SYNDIG1: variants seen among roughly 807,000 people sequenced by gnomAD.
The protein encoded by SYNDIG1 is synapse differentiation-inducing gene protein 1.
A neutral mutation model predicts 19.4 loss-of-function variants in SYNDIG1; 9 were observed. The observed-to-expected ratio is 0.46, with a 90% CI of 0.28 to 0.81. The LOEUF (loss-of-function observed/expected upper bound fraction) is 0.81. SYNDIG1 is among the 30% of genes least tolerant of loss of function. The pLI, the probability that SYNDIG1 is intolerant of heterozygous loss-of-function variation, is 0.12. For synonymous variants in SYNDIG1, 141 were observed against 145.9 expected (o/e 0.97, Z 0.24); for missense variants, 311 against 343.3 (o/e 0.91, Z 0.74).
At chr20:24,601,028 G>A (rs1353743030) in intron 3 of SYNDIG1, among the ~76,000 whole-genome samples, 2 of 152,068 alleles carry the variant, frequency 1.3e-5, no homozygotes, top group African/African-American at 4.8e-5. Context: ...AGGCTCTTTA[G>A]GTAACTCATT....
intron 2 of SYNDIG1, among the ~76,000 whole-genome samples, chr20:24,546,026 T>C (rs1312996571): frequency 1.3e-5 from 2 of 152,210 alleles, no homozygotes; most frequent in Non-Finnish European, 2.9e-5. Context: ...CCACAGGCTC[T>C]GAGCAGAAGG....
intron 3 of SYNDIG1, among the ~76,000 whole-genome samples, chr20:24,611,239 C>G (rs747462689): frequency 1.3e-5 from 2 of 152,148 alleles, no homozygotes; most frequent in Non-Finnish European, 2.9e-5. Flanking sequence ...TTTGCTGTCC[C>G]TTTGCTCTAC....
chr20:24,508,259 C>T (rs1388080122), intron 1 of SYNDIG1, among the ~76,000 whole-genome samples: 18 of 105,088 alleles, frequency 1.7e-4, no homozygotes, highest in African/African-American at 6.7e-4. Context: ...GACAGAGTCT[C>T]ACTCTGTAGC....
At chr20:24,484,814 G>T (rs970268554) in intron 1 of SYNDIG1, among the ~76,000 whole-genome samples, 4 of 152,136 alleles carry the variant, frequency 2.6e-5, no homozygotes, top group Non-Finnish European at 5.9e-5. Flanking sequence ...GCTATGGCTT[G>T]AGTATGAATT....
At chr20:24,570,418 C>T (rs186001790) in intron 2 of SYNDIG1, among the ~76,000 whole-genome samples, 32 of 152,150 alleles carry the variant, frequency 2.1e-4, no homozygotes, top group Admixed American at 2.0e-4. Context: ...CAATTTGTAT[C>T]CAGAATACAG....
At chr20:24,531,000 G>C (rs547270996) in intron 1 of SYNDIG1, among the ~76,000 whole-genome samples, 152 of 152,144 alleles carry the variant, frequency 1.0e-3, no homozygotes, top group Non-Finnish European at 1.4e-3. Flanking sequence ...AGTAGAGACA[G>C]GGTTTCACCA....
intron 2 of SYNDIG1, among the ~76,000 whole-genome samples, chr20:24,567,928 G>T (rs965618827): frequency 6.6e-6 from 1 of 152,218 alleles, no homozygotes; most frequent in African/African-American, 2.4e-5. Flanking sequence ...GAGGTTAGGG[G>T]TTTGAGACCA....
chr20:24,579,135 C>T (rs1412357393), intron 2 of SYNDIG1, among the ~76,000 whole-genome samples: 1 of 152,154 alleles, frequency 6.6e-6, no homozygotes, highest in African/African-American at 2.4e-5. Flanking sequence ...TGTTCCAGTC[C>T]AGGGAGAGTG....
At chr20:24,638,982 T>C (rs1302775154) in intron 3 of SYNDIG1, among the ~76,000 whole-genome samples, 3 of 152,050 alleles carry the variant, frequency 2.0e-5, no homozygotes, top group Non-Finnish European at 2.9e-5. Flanking sequence ...CTGCTGGGCC[T>C]CCCTGCCAGC....
chr20:24,634,411 C>G (rs1426749247), intron 3 of SYNDIG1, among the ~76,000 whole-genome samples: 1 of 152,192 alleles, frequency 6.6e-6, no homozygotes, highest in Admixed American at 6.5e-5. Flanking sequence ...AAGTGAAATT[C>G]CACCAAGTCA....
chr20:24,553,790 G>A (rs549145669), intron 2 of SYNDIG1, among the ~76,000 whole-genome samples: 22 of 152,236 alleles, frequency 1.4e-4, no homozygotes, highest in African/African-American at 4.1e-4. Flanking sequence ...TTGGCAATGC[G>A]GGCTCTTTTT....
At chr20:24,620,981 C>T (rs1474782872) in intron 3 of SYNDIG1, among the ~76,000 whole-genome samples, 1 of 152,094 alleles carries the variant, frequency 6.6e-6, no homozygotes, top group Non-Finnish European at 1.5e-5. Context: ...CGTTGGCATA[C>T]AAAGCAATGA....
chr20:24,559,403 T>C (rs1404183664), intron 2 of SYNDIG1, among the ~76,000 whole-genome samples: 2 of 152,148 alleles, frequency 1.3e-5, no homozygotes, highest in Non-Finnish European at 2.9e-5. Flanking sequence ...ACTATGCAAT[T>C]TATGCATGTC....
At chr20:24,558,124 G>A (rs2057863503) in intron 2 of SYNDIG1, among the ~76,000 whole-genome samples, 1 of 152,190 alleles carries the variant, frequency 6.6e-6, no homozygotes, top group South Asian at 2.1e-4. Context: ...TCATAGTCTG[G>A]ATGCAGTGAT....
At chr20:24,632,000 G>A (rs6049823) in intron 3 of SYNDIG1, among the ~76,000 whole-genome samples, 39 of 152,292 alleles carry the variant, frequency 2.6e-4, no homozygotes, top group African/African-American at 9.1e-4. Context: ...TGTGAGCAAA[G>A]CATCACTGCT....
chr20:24,484,644 T>C (rs2055906054), intron 1 of SYNDIG1, among the ~76,000 whole-genome samples: 1 of 152,080 alleles, frequency 6.6e-6, no homozygotes, highest in African/African-American at 2.4e-5. Flanking sequence ...GTGTCCACCT[T>C]TAGAAACGAT....
chr20:24,586,719 G>A (rs7271447), intron 3 of SYNDIG1, among the ~76,000 whole-genome samples: 58,178 of 152,104 alleles, frequency 0.38, 11,494 homozygotes, highest in Admixed American at 0.47. Context: ...GGGCCCAGCC[G>A]CTGAGGCATC....
In SYNDIG1 at chr20:24,629,819, A is replaced by G. The variant is rs116739641; in HGVS notation, c.619-35527A>G. Among the ~76,000 whole-genome samples the G allele has an allele frequency of 8.3e-3, 1,268 of 152,026 alleles. 26 individuals carry two copies. Among genetic ancestry groups the G allele is most frequent in the African/African-American group, 0.029 (1,180 of 41,258 alleles). ...GCAGCACCATTGCCAGGGAGGGTAG[A>G]CCAGAGTGAGGAGCCCAGGCAGCTT... On this transcript the variant is annotated intron_variant, in intron 3 of 3. Coordinates refer to ENST00000376862, the MANE Select transcript of SYNDIG1 (RefSeq NM_024893.3).
intron 1 of SYNDIG1, among the ~76,000 whole-genome samples, chr20:24,520,729 C>T (rs2056986040): frequency 6.6e-6 from 1 of 151,824 alleles, no homozygotes; most frequent in Non-Finnish European, 1.5e-5. Flanking sequence ...TTCAAAGGTA[C>T]TATACTTGTG....
Sources: allele counts gnomAD v4.1 joint callset (sites outside exome capture counted in the v4.1 genomes callset), GRCh38; gene constraint gnomAD v4.1.1; transcripts MANE v1.5; gene names NCBI Gene and HGNC (gene_info 2026-07-23, HGNC 2026-07-21).